PAPPA: variants seen among roughly 807,000 people sequenced by gnomAD.
PAPPA encodes pappalysin 1.
A neutral mutation model predicts 164.0 loss-of-function variants in PAPPA; 60 were observed. That is an observed-to-expected ratio of 0.37 (90% CI 0.30 to 0.45). The LOEUF (loss-of-function observed/expected upper bound fraction) is 0.45. Among genes scored for constraint, PAPPA ranks in the 20% least tolerant of loss-of-function variants. The pLI, the probability that PAPPA is intolerant of heterozygous loss-of-function variation, is 1.00. For missense variants in PAPPA, 1,782 were observed against 2,087.3 expected, an observed-to-expected ratio of 0.85 and a Z score of 2.85; for synonymous variants, 875 against 814.1, an observed-to-expected ratio of 1.07 and a Z score of -1.27.
chr9:116,192,008 C>T (rs1844048463), intron 2 of PAPPA, among the ~76,000 whole-genome samples: 2 of 152,238 alleles, frequency 1.3e-5, no homozygotes, highest in South Asian at 4.1e-4. Flanking sequence ...AGGGGATTTC[C>T]TGGCAGCAGC....
chr9:116,268,024 A>G (rs1460853762), intron 8 of PAPPA, among the ~76,000 whole-genome samples: 1 of 151,806 alleles, frequency 6.6e-6, no homozygotes, highest in East Asian at 1.9e-4. Flanking sequence ...TTATCTATAT[A>G]TTTCCGGATC....
chr9:116,216,368 C>G (rs1844371707), intron 4 of PAPPA, among the ~76,000 whole-genome samples: 1 of 152,162 alleles, frequency 6.6e-6, no homozygotes, highest in Non-Finnish European at 1.5e-5. Flanking sequence ...TGCAGTGTGC[C>G]CTTTCAGCCA....
chr9:116,228,388 G>A (rs1408805317), intron 6 of PAPPA, among the ~76,000 whole-genome samples: 1 of 152,050 alleles, frequency 6.6e-6, no homozygotes, highest in East Asian at 1.9e-4. Context: ...AGCAGTCACT[G>A]GGTGAGGACA....
At chr9:116,210,928 T>A (rs1335622500) in intron 3 of PAPPA, among the ~76,000 whole-genome samples, 2 of 152,208 alleles carry the variant, frequency 1.3e-5, no homozygotes, top group Middle Eastern at 3.2e-3. Flanking sequence ...CACAAACTTC[T>A]TTAGATAAGT....
intron 14 of PAPPA, among the ~76,000 whole-genome samples, chr9:116,345,200 C>T (rs138910251): frequency 7.9e-5 from 12 of 152,232 alleles, no homozygotes; most frequent in Admixed American, 3.3e-4. Context: ...AGCTTAGTGC[C>T]TAGTGGTGGA....
chr9:116,358,060 C>T (rs543642850), intron 17 of PAPPA, among the ~76,000 whole-genome samples: 15 of 152,194 alleles, frequency 9.9e-5, no homozygotes, highest in Admixed American at 6.5e-4. Flanking sequence ...TTTTCATTTC[C>T]GGGTTGTTAA....
chr9:116,317,970 T>C (rs1845807487), intron 10 of PAPPA, among the ~76,000 whole-genome samples: 1 of 152,252 alleles, frequency 6.6e-6, no homozygotes, highest in African/African-American at 2.4e-5. Context: ...CAATGTATTT[T>C]TTTAAATAAC....
intron 20 of PAPPA, among the ~76,000 whole-genome samples, chr9:116,380,667 C>G (rs1439248333): frequency 6.6e-6 from 1 of 152,234 alleles, no homozygotes; most frequent in Non-Finnish European, 1.5e-5. Flanking sequence ...GGTCACACAG[C>G]AGAGTCACAC....
rs138767841 is a variant in PAPPA at position 116,354,831 on chromosome 9, A to G, written c.4347+1038A>G. Among the ~76,000 whole-genome samples, 753 of 152,166 alleles carry G rather than the reference A, an allele frequency of 4.9e-3. 2 individuals carry two copies. Among genetic ancestry groups the G allele is most frequent in the Middle Eastern group, 0.014 (4 of 294 alleles). ...CAGAGTGATTTGAGCAATTATGTCAATCTCTCTGAACCAGGAGCCCCCGTC... is the reference window on the plus strand; with the variant it reads ...CAGAGTGATTTGAGCAATTATGTCAGTCTCTCTGAACCAGGAGCCCCCGTC... On this transcript the variant is annotated intron_variant, in intron 17 of 21. Transcript: ENST00000328252.
chr9:116,244,006 G>A (rs1844767337), intron 7 of PAPPA, among the ~76,000 whole-genome samples: 1 of 152,136 alleles, frequency 6.6e-6, no homozygotes, highest in African/African-American at 2.4e-5. Flanking sequence ...GGAGCACATA[G>A]TCAGCACAAT....
intron 9 of PAPPA, among the ~76,000 whole-genome samples, chr9:116,293,763 T>C (rs904777050): frequency 6.6e-6 from 1 of 152,098 alleles, no homozygotes; most frequent in Non-Finnish European, 1.5e-5. Flanking sequence ...GAGACCAGCC[T>C]GACCAATGTG....
chr9:116,331,393 CAGCG>C, intron 11 of PAPPA, 36 bp downstream of exon 11: 1 of 1,234,788 alleles, frequency 8.1e-7, no homozygotes, highest in Non-Finnish European at 1.2e-6. Flanking sequence ...GAATCTCCAG[CAGCG>C]AGCCACAGAA....
At chr9:116,363,885 T>TA (rs1304821817) in intron 18 of PAPPA, among the ~76,000 whole-genome samples, 1 of 152,188 alleles carries the variant, frequency 6.6e-6, no homozygotes, top group Non-Finnish European at 1.5e-5. Context: ...CACTGTAACT[T>TA]ACAGTGGGAA....
In PAPPA at chr9:116,154,441, C is replaced by T; in HGVS notation, c.269C>T (p.Pro90Leu). The T allele has an allele frequency of 1.6e-6, 2 of 1,275,562 alleles. No individual in the cohort carries two copies. Among genetic ancestry groups the T allele is most frequent in the Admixed American group, 8.0e-5 (2 of 24,852 alleles). 79.0% of individuals were successfully genotyped at this position (1,275,562 alleles called of 1,614,324 possible). A position where few individuals can be genotyped will look rare whatever the true frequency, so the allele number is the denominator to read the frequency against. Residue 90 changes from proline to leucine, a missense_variant, in exon 1 of 22, where the codon CCG becomes CTG. Physicochemically the swap from Pro to Leu is moderately conservative, Grantham distance 98 (BLOSUM62 -3). Coordinates refer to ENST00000328252, the MANE Select transcript of PAPPA (RefSeq NM_002581.5). The surrounding 1 kb of genome is among the most constrained non-coding windows in gnomAD (Gnocchi z 5.2). ...GAGGCGAGGGGCGCCACCGAGGAGC[C>T]GAGCCCGCCGAGCCGGGCGCTCTAT... ...QREARGATEE[P>L]SPPSRALYFS...
intron 7 of PAPPA, among the ~76,000 whole-genome samples, chr9:116,237,771 G>C (rs1844687531): frequency 6.6e-6 from 1 of 151,366 alleles, no homozygotes; most frequent in Admixed American, 6.6e-5. Flanking sequence ...CCAGGTTGGA[G>C]TGCAGTGGTG....
At chr9:116,201,326 A>G (rs1488664312) in intron 2 of PAPPA, among the ~76,000 whole-genome samples, 1 of 152,200 alleles carries the variant, frequency 6.6e-6, no homozygotes, top group Admixed American at 6.5e-5. Context: ...TGTGTTCTGA[A>G]AATTAAGTAG....
chr9:116,219,251 C>T (rs1844412960), intron 4 of PAPPA, among the ~76,000 whole-genome samples: 1 of 152,196 alleles, frequency 6.6e-6, no homozygotes. Flanking sequence ...CTTTAGTAGC[C>T]TTGTAACAAC....
intron 16 of PAPPA, 66 bp from the exon 17 acceptor site, chr9:116,353,556 T>C: frequency 7.1e-7 from 1 of 1,406,834 alleles, no homozygotes; most frequent in Non-Finnish European, 9.8e-7. Flanking sequence ...CTGGTGGTGT[T>C]CATGCAGGGC....
chr9:116,266,512 A>G (rs1307605642), intron 8 of PAPPA, among the ~76,000 whole-genome samples: 1 of 152,254 alleles, frequency 6.6e-6, no homozygotes, highest in East Asian at 1.9e-4. Flanking sequence ...CAATGTTTAA[A>G]CCATAAATAA....
Sources: gnomAD v4.1 joint callset for allele counts (sites outside exome capture counted in the v4.1 genomes callset) on GRCh38, gnomAD v4.1.1 for gene constraint, Gnocchi (gnomAD v3.1) non-coding constraint, MANE v1.5 for transcripts, NCBI Gene and HGNC (gene_info 2026-07-23, HGNC 2026-07-21) for gene names.